VANGL1: variants seen among roughly 807,000 people sequenced by gnomAD.
The protein encoded by VANGL1 is vang-like protein 1.
VANGL1 carries 18 observed loss-of-function variants against 48.4 expected under a neutral mutation model. That is an observed-to-expected ratio of 0.37 (90% CI 0.26 to 0.55). The LOEUF (loss-of-function observed/expected upper bound fraction) is 0.55, where lower values mean the gene tolerates loss of function less well. Among genes scored for constraint, VANGL1 ranks in the 20% least tolerant of loss-of-function variants. The probability of loss-of-function intolerance (pLI) is 0.81; values close to 1 mark genes in which losing one functional copy is unlikely to be tolerated. For missense variants in VANGL1, 667 were observed against 675.8 expected, an observed-to-expected ratio of 0.99 and a Z score of 0.14; for synonymous variants, 257 against 261.8, an observed-to-expected ratio of 0.98 and a Z score of 0.18.
Position 115,651,386 on chromosome 1 carries a change from C to A in VANGL1, c.-28C>A. On this transcript the variant is annotated 5_prime_UTR_variant, in exon 2 of 8. Coordinates refer to ENST00000355485, the MANE Select transcript of VANGL1 (RefSeq NM_138959.3). ...CTCTAAGGAGAAACAGTACCTGCTC[C>A]TTCCTCAAGCGCAAGCCCTCCATTG... The A allele has an allele frequency of 6.2e-7, 1 of 1,609,448 alleles. No homozygotes were observed. The highest frequency in any genetic ancestry group is 8.5e-7 in the Non-Finnish European group (1 of 1,176,328).
Position 115,642,312 on chromosome 1 carries a change from A to G in VANGL1, c.-138+226A>G, listed in dbSNP as rs568140652. Among the ~76,000 whole-genome samples, 1,330 of 150,928 alleles carry G rather than the reference A, an allele frequency of 8.8e-3. 14 individuals carry two copies. The highest frequency in any genetic ancestry group is 0.03 in the African/African-American group (1,249 of 41,238). On this transcript the variant is annotated intron_variant, in intron 1 of 7. Transcript: ENST00000355485. ...TTCCTCTGACTCCACTCTTCTCCCC[A>G]TGCGTTGCGCCCCTCCTGGCCCTGC...
intron 7 of VANGL1, among the ~76,000 whole-genome samples, chr1:115,690,623 G>T (rs1200930044): frequency 6.6e-6 from 1 of 152,244 alleles, no homozygotes; most frequent in Non-Finnish European, 1.5e-5. Flanking sequence ...TAAATGACTT[G>T]TGCAGAATCA....
chr1:115,675,592 G>A (rs796810965), intron 4 of VANGL1, among the ~76,000 whole-genome samples: 4 of 151,936 alleles, frequency 2.6e-5, no homozygotes, highest in Non-Finnish European at 5.9e-5. Context: ...CTGAGGTCAG[G>A]AGTGCAAGAC....
At position 115,689,325 on chromosome 1, in the gene VANGL1, A is replaced by C. The variant is rs573894749; in HGVS notation, c.1315-1794A>C. Reference sequence around the variant, plus strand: ...AAAATATATACCTGGCAGTAGCAGCAGGGTGTGAATAAAAGAGGATACCGG... The same window carrying C: ...AAAATATATACCTGGCAGTAGCAGCCGGGTGTGAATAAAAGAGGATACCGG... On this transcript the variant is annotated intron_variant, in intron 7 of 7. Coordinates refer to ENST00000355485, the MANE Select transcript of VANGL1 (RefSeq NM_138959.3). 1.1e-4 allele frequency among the ~76,000 whole-genome samples: 15 copies of C among 136,516 alleles called. 2 individuals carry two copies. The South Asian group carries it at 3.8e-3, about 35-fold the overall frequency. The allele number at this position is 136,516 out of a possible 152,430, so 89.6% of individuals were successfully genotyped here.
chr1:115,682,222 G>C, intron 4 of VANGL1, 142 bp from the exon 5 acceptor site: 1 of 1,204,110 alleles, frequency 8.3e-7, no homozygotes, highest in Non-Finnish European at 1.2e-6. Context: ...GAGACCAGAA[G>C]TGTGGTGGAA....
intron 7 of VANGL1, among the ~76,000 whole-genome samples, chr1:115,685,835 T>G (rs1653588111): frequency 6.6e-6 from 1 of 152,072 alleles, no homozygotes; most frequent in African/African-American, 2.4e-5. Context: ...GCTGAACTGA[T>G]TCATTCTAAC....
chr1:115,656,253 CATT>C (rs1482669574), intron 2 of VANGL1, among the ~76,000 whole-genome samples: 1 of 152,232 alleles, frequency 6.6e-6, no homozygotes, highest in Non-Finnish European at 1.5e-5. Flanking sequence ...TGTATTATAA[CATT>C]GTGCAGCTGA....
rs1409342122 is a variant in VANGL1, at chr1:115,691,195, GGC to G, written c.1392_1393del (p.Arg464SerfsTer4). 1 of 1,613,842 alleles carries G rather than the reference GGC, an allele frequency of 6.2e-7. No individual in the cohort carries two copies. The highest frequency in any genetic ancestry group is 1.3e-5 in the African/African-American group (1 of 74,894). ...GACCGCTGGCTCTCTACACAGTGGA[GGC>G]TTGTCAGTGATGAGGCTGTGACTAA... On this transcript the variant is annotated frameshift_variant, in exon 8 of 8. Transcript: ENST00000355485. LOFTEE classifies it high-confidence loss of function.
At chr1:115,678,951 C>CAAA (rs561934640) in intron 4 of VANGL1, among the ~76,000 whole-genome samples, 3 of 121,826 alleles carry the variant, frequency 2.5e-5, no homozygotes, top group African/African-American at 6.2e-5. Context: ...GAGACTGTCT[C>CAAA]AAAAAAAAAA....
rs772695971 is a variant in VANGL1, at chr1:115,655,120, G to A, written c.71+3636G>A. ...AGAGTCTGTGTGTCCTGCGCCCAGC[G>A]CTCCTACCCCAGCCATAGCCAAGAG... On this transcript the variant is annotated intron_variant, in intron 2 of 7. Coordinates refer to ENST00000355485, the MANE Select transcript of VANGL1 (RefSeq NM_138959.3). 2.6e-5 allele frequency among the ~76,000 whole-genome samples: 4 copies of A among 152,140 alleles called. No individual in the cohort carries two copies. In the East Asian group the frequency reaches 5.8e-4, roughly 22 times the overall value.
At chr1:115,681,520 T>G (rs1046914878) in intron 4 of VANGL1, among the ~76,000 whole-genome samples, 1 of 150,226 alleles carries the variant, frequency 6.7e-6, no homozygotes, top group Non-Finnish European at 1.5e-5. Context: ...TTGTTTTTTT[T>G]TTTGAGACTG....
In VANGL1 at chr1:115,690,050, T is replaced by G. The variant is rs1570779497; in HGVS notation, c.1315-1069T>G. On this transcript the variant is annotated intron_variant, in intron 7 of 7. Transcript: ENST00000355485. ...ATTACTGGCTCATTTCATTCTTCCT[T>G]CCCCTCATGGCTAAATCAGTGTATT... Among the ~76,000 whole-genome samples the G allele has an allele frequency of 2.2e-5, 3 of 139,012 alleles. 1 individual carries two copies. Among genetic ancestry groups the G allele is most frequent in the African/African-American group, 8.1e-5 (3 of 37,056 alleles). 91.2% of individuals were successfully genotyped at this position (139,012 alleles called of 152,430 possible).
intron 1 of VANGL1, among the ~76,000 whole-genome samples, chr1:115,650,494 T>C (rs908394776): frequency 7.2e-5 from 11 of 152,256 alleles, no homozygotes; most frequent in Non-Finnish European, 1.6e-4. Context: ...GCTTTCATTT[T>C]CTGTGTCTCC....
intron 1 of VANGL1, among the ~76,000 whole-genome samples, chr1:115,650,611 A>G (rs949466996): frequency 1.3e-5 from 2 of 152,184 alleles, no homozygotes; most frequent in African/African-American, 4.8e-5. Flanking sequence ...ATTCATCATT[A>G]TAAGAGTTTC....
chr1:115,671,579 G>T (rs576888478), intron 4 of VANGL1, among the ~76,000 whole-genome samples: 32 of 152,312 alleles, frequency 2.1e-4, no homozygotes, highest in Non-Finnish European at 4.0e-4. Context: ...CCCTAAGCAG[G>T]CTGCTGTCTT....
At chr1:115,661,135 T>C (rs1652532679) in intron 3 of VANGL1, among the ~76,000 whole-genome samples, 1 of 152,232 alleles carries the variant, frequency 6.6e-6, no homozygotes, top group African/African-American at 2.4e-5. Flanking sequence ...GGCTGTATTT[T>C]TTAGTAGCTC....
At chr1:115,663,564 G>C in intron 3 of VANGL1, 97 bp from the exon 4 acceptor site, 1 of 1,549,382 alleles carries the variant, frequency 6.5e-7, no homozygotes, top group Non-Finnish European at 8.9e-7. Context: ...TTGTGAATAG[G>C]GCTGGGTAGA....
chr1:115,659,877 G>T (rs1038869189), intron 3 of VANGL1, 104 bp downstream of exon 3: 2 of 1,510,578 alleles, frequency 1.3e-6, no homozygotes, highest in Non-Finnish European at 1.8e-6. Flanking sequence ...TATTTTTCTA[G>T]CATGCTAATT....
chr1:115,683,486 A>C (rs567997574), intron 5 of VANGL1, among the ~76,000 whole-genome samples: 8 of 152,242 alleles, frequency 5.3e-5, no homozygotes, highest in African/African-American at 1.9e-4. Context: ...TCAGTGTCTC[A>C]TGTCCTTTGA....
Sources: allele counts gnomAD v4.1 joint callset (sites outside exome capture counted in the v4.1 genomes callset), GRCh38; gene constraint gnomAD v4.1.1; transcripts MANE v1.5; gene names NCBI Gene and HGNC (gene_info 2026-07-23, HGNC 2026-07-21).